Variants in ADGRG2 observed in about 807,000 individuals in gnomAD.
ADGRG2 encodes the protein G protein-coupled receptor 64.
A neutral mutation model predicts 74.1 loss-of-function variants in ADGRG2; 26 were observed. The ratio of observed to expected loss-of-function variants is 0.35; its 90% CI spans 0.26 to 0.49. The LOEUF is 0.49. Among genes scored for constraint, ADGRG2 ranks in the 20% least tolerant of loss-of-function variants. The pLI is 0.99. For synonymous variants in ADGRG2, 296 were observed against 295.2 expected (o/e 1.00, Z -0.03); for missense variants, 619 against 763.1 (o/e 0.81, Z 2.22).
intron 3 of ADGRG2, among the ~76,000 whole-genome samples, chrX:19,051,430 C>T (rs908072221): frequency 1.9e-4 from 21 of 111,529 alleles, no homozygotes; most frequent in Admixed American, 5.7e-4. Flanking sequence ...AGTCCAAAGC[C>T]TTAAGGTAGA....
intron 22 of ADGRG2, among the ~76,000 whole-genome samples, 175 bp downstream of exon 22, chrX:19,005,827 A>G (rs757823093): frequency 8.9e-6 from 1 of 112,234 alleles, no homozygotes; most frequent in African/African-American, 3.2e-5. Context: ...TGCTGGGATT[A>G]CAGGCGTGAG....
chrX:19,030,816 A>G (rs1246546540), intron 9 of ADGRG2, among the ~76,000 whole-genome samples, 168 bp downstream of exon 9: 1 of 112,125 alleles, frequency 8.9e-6, no homozygotes, highest in Non-Finnish European at 1.9e-5. Context: ...AATTTCAGCC[A>G]GATATAAAAT....
At chrX:19,062,930 C>G (rs1203471172) in intron 3 of ADGRG2, among the ~76,000 whole-genome samples, 1 of 109,587 alleles carries the variant, frequency 9.1e-6, no homozygotes, top group Non-Finnish European at 1.9e-5. Context: ...GAAATTATAA[C>G]CATCTTCCAC....
At position 19,034,105 on chromosome X, in the gene ADGRG2, G is replaced by A. The variant is rs138428478; in HGVS notation, c.263-451C>T. The A allele has an allele frequency of 9.2e-3, 1,043 of 113,281 alleles. 6 individuals carry two copies. Among genetic ancestry groups the A allele is most frequent in the Non-Finnish European group, 0.014 (788 of 54,457 alleles). 9.3% of individuals were successfully genotyped at this position (113,281 alleles called of 1,213,427 possible). A position where few individuals can be genotyped will look rare whatever the true frequency, so the allele number is the denominator to read the frequency against. ...TTGCTATTATACAATCAAGTGTCTC[G>A]CTATCTTCTTTAGGAGTTAACATAA... On this transcript the variant is annotated intron_variant, in intron 7 of 28. Transcript: ENST00000379869.
intron 9 of ADGRG2, among the ~76,000 whole-genome samples, chrX:19,029,330 A>G (rs1378870727): frequency 8.9e-6 from 1 of 112,191 alleles, no homozygotes; most frequent in Non-Finnish European, 1.9e-5. Context: ...GTGTACGTGC[A>G]TGCCAACACC....
chrX:19,006,167 C>A (rs1378624664), intron 21 of ADGRG2, 53 bp downstream of exon 21: 2 of 1,108,043 alleles, frequency 1.8e-6, no homozygotes, highest in African/African-American at 3.6e-5. Flanking sequence ...TGACTTCACA[C>A]CCTCCCCAAT....
Position 19,010,872 on chromosome X carries a change from C to T in ADGRG2, c.1100-94G>A, listed in dbSNP as rs779283720. 1.1e-4 allele frequency: 66 copies of T among 574,209 alleles called. No homozygotes were observed. In the African/African-American group the frequency reaches 1.2e-3, roughly 11 times the overall value. 47.3% of individuals were successfully genotyped at this position (574,209 alleles called of 1,213,427 possible). Reference sequence around the variant, plus strand: ...TAGACCCTGTGATATGGCAAACTCACTCCTGGGTATTTGCCCCAGATAAAT... The same window carrying T: ...TAGACCCTGTGATATGGCAAACTCATTCCTGGGTATTTGCCCCAGATAAAT... On this transcript the variant is annotated intron_variant, in intron 16 of 28. Transcript: ENST00000379869.
At chrX:19,049,444 T>TG in intron 3 of ADGRG2, among the ~76,000 whole-genome samples, 1 of 101,977 alleles carries the variant, frequency 9.8e-6, no homozygotes, top group Non-Finnish European at 2.0e-5. Context: ...TTGTGTTTTT[T>TG]TTTTTTTTTT....
chrX:19,098,497 A>C (rs1191197258), intron 1 of ADGRG2, among the ~76,000 whole-genome samples: 1 of 112,241 alleles, frequency 8.9e-6, no homozygotes, highest in East Asian at 2.8e-4. Flanking sequence ...TGATAAAGAT[A>C]CATTTTTTTA....
intron 14 of ADGRG2, 127 bp from the exon 15 acceptor site, chrX:19,019,792 G>T: frequency 2.3e-6 from 1 of 443,402 alleles, no homozygotes; most frequent in Middle Eastern, 3.6e-4. Context: ...TCTAAAACAG[G>T]TGATAAAATA....
intron 3 of ADGRG2, among the ~76,000 whole-genome samples, chrX:19,046,641 G>A (rs1295201248): frequency 2.7e-5 from 3 of 112,467 alleles, no homozygotes; most frequent in Non-Finnish European, 1.9e-5. Context: ...ATGTTGCAAA[G>A]ATGAAGAACT....
rs377034740 is a variant in ADGRG2 at position 19,063,378 on chromosome X, A to G, written c.118+5339T>C. ...ATGCTCATTCAGTCCCCAGACACTTACTGAGGGTGCCCTGGGCAGCCTGGT... is the reference window on the plus strand; with the variant it reads ...ATGCTCATTCAGTCCCCAGACACTTGCTGAGGGTGCCCTGGGCAGCCTGGT... On this transcript the variant is annotated intron_variant, in intron 3 of 28. Coordinates refer to ENST00000379869, the MANE Select transcript of ADGRG2 (RefSeq NM_001079858.3). Among the ~76,000 whole-genome samples, 10 of 111,913 alleles carry G rather than the reference A, an allele frequency of 8.9e-5. No individual in the cohort carries two copies. The East Asian group carries it at 1.7e-3, about 19-fold the overall frequency.
intron 9 of ADGRG2, among the ~76,000 whole-genome samples, chrX:19,028,823 A>C (rs1160286913): frequency 8.9e-6 from 1 of 112,077 alleles, no homozygotes; most frequent in East Asian, 2.8e-4. Context: ...CAAGGATATC[A>C]CATAAACTAG....
chrX:19,055,386 G>A (rs2061395746), intron 3 of ADGRG2, among the ~76,000 whole-genome samples: 1 of 112,105 alleles, frequency 8.9e-6, no homozygotes, highest in Admixed American at 9.4e-5. Context: ...TAGATTAAAT[G>A]GTCTATAACT....
At chrX:18,997,377 T>C (rs2060037745) in intron 26 of ADGRG2, among the ~76,000 whole-genome samples, 1 of 112,176 alleles carries the variant, frequency 8.9e-6, no homozygotes, top group African/African-American at 3.2e-5. Flanking sequence ...TCTGGGGAAA[T>C]GAAGAAAAAG....
intron 18 of ADGRG2, among the ~76,000 whole-genome samples, chrX:19,009,395 C>G (rs1358741787): frequency 9.0e-6 from 1 of 110,963 alleles, no homozygotes; most frequent in East Asian, 2.8e-4. Context: ...CCAGGCTGGT[C>G]TTGAACTCCT....
chrX:19,041,522 T>C (rs769537364), intron 3 of ADGRG2, among the ~76,000 whole-genome samples: 2 of 112,179 alleles, frequency 1.8e-5, no homozygotes, highest in East Asian at 2.8e-4. Context: ...CAAACTAACA[T>C]TGCACAGTGA....
At chrX:19,079,891 G>A (rs1394429824) in intron 2 of ADGRG2, among the ~76,000 whole-genome samples, 4 of 109,230 alleles carry the variant, frequency 3.7e-5, no homozygotes, top group Non-Finnish European at 7.6e-5. Flanking sequence ...GGGGTGTTCT[G>A]CTTTTTGTCT....
intron 6 of ADGRG2, 96 bp downstream of exon 6, chrX:19,037,371 G>C (rs1343149507): frequency 3.1e-6 from 2 of 655,394 alleles, no homozygotes; most frequent in Non-Finnish European, 4.6e-6. Context: ...GACGTATTCA[G>C]AAATAATTTA....
Sources: gnomAD v4.1 joint callset for allele counts (sites outside exome capture counted in the v4.1 genomes callset) on GRCh38, gnomAD v4.1.1 for gene constraint, MANE v1.5 for transcripts, NCBI Gene and HGNC (gene_info 2026-07-23, HGNC 2026-07-21) for gene names.